PRKCE: variants seen among roughly 807,000 people sequenced by gnomAD.
PRKCE encodes protein kinase C epsilon.
A neutral mutation model predicts 85.4 loss-of-function variants in PRKCE; 16 were observed. The ratio of observed to expected loss-of-function variants is 0.19; its 90% CI spans 0.13 to 0.28. The LOEUF (loss-of-function observed/expected upper bound fraction) is 0.28. Among genes scored for constraint, PRKCE ranks in the 10% least tolerant of loss-of-function variants. The pLI, the probability that PRKCE is intolerant of heterozygous loss-of-function variation, is 1.00. For missense variants in PRKCE, 573 were observed against 975.2 expected, an observed-to-expected ratio of 0.59 and a Z score of 5.49; for synonymous variants, 388 against 371.5, an observed-to-expected ratio of 1.04 and a Z score of -0.51.
Position 45,774,222 on chromosome 2 carries a change from A to G in PRKCE, c.349-68778A>G, listed in dbSNP as rs1205781610. On this transcript the variant is annotated intron_variant, in intron 1 of 14. Transcript: ENST00000306156. The surrounding 1 kb of genome is among the most constrained non-coding windows in gnomAD (Gnocchi z 4.3). The stretch of plus-strand genomic sequence containing the variant: ...ACCACCCCTGTGGTCAGGGCCTGCG[A>G]CTGGTGAGGTTCTAAGGCCTCCCCT... Among the ~76,000 whole-genome samples the G allele has an allele frequency of 6.6e-6, 1 of 151,984 alleles. No individual in the cohort carries two copies. The highest frequency in any genetic ancestry group is 2.4e-5 in the African/African-American group (1 of 41,386).
At position 46,068,577 on chromosome 2, in the gene PRKCE, G is replaced by C. The variant is rs1667818975; in HGVS notation, c.1438-17631G>C. On this transcript the variant is annotated intron_variant, in intron 10 of 14. Transcript: ENST00000306156. The surrounding 1 kb of genome is among the most constrained non-coding windows in gnomAD (Gnocchi z 4.3). Reference sequence around the variant, plus strand: ...ACTCTCTCTGATGTAACAATATAAGGCAATGGTAGAAGGTTGTCACATACA... The same window carrying C: ...ACTCTCTCTGATGTAACAATATAAGCCAATGGTAGAAGGTTGTCACATACA... 6.6e-6 allele frequency among the ~76,000 whole-genome samples: 1 copy of C among 152,152 alleles called. No individual in the cohort carries two copies. Among genetic ancestry groups the C allele is most frequent in the African/African-American group, 2.4e-5 (1 of 41,424 alleles).
At chr2:45,916,992 A>C (rs1443062065) in intron 2 of PRKCE, among the ~76,000 whole-genome samples, 2 of 152,182 alleles carry the variant, frequency 1.3e-5, no homozygotes, top group Non-Finnish European at 2.9e-5. Context: ...AGTGAGCAGC[A>C]GCAGGATTTA....
chr2:45,819,723 G>C, intron 1 of PRKCE, among the ~76,000 whole-genome samples: 1 of 152,216 alleles, frequency 6.6e-6, no homozygotes, highest in Non-Finnish European at 1.5e-5. Context: ...TCAACTCAAA[G>C]CCTTGAGAGC....
chr2:45,994,475 A>T (rs923115050), intron 6 of PRKCE, among the ~76,000 whole-genome samples: 1 of 152,064 alleles, frequency 6.6e-6, no homozygotes, highest in Non-Finnish European at 1.5e-5. Flanking sequence ...CCTGGTAACC[A>T]CTAAACTTTT....
chr2:46,091,789 A>T (rs1311625036), intron 11 of PRKCE, among the ~76,000 whole-genome samples: 1 of 152,242 alleles, frequency 6.6e-6, no homozygotes, highest in East Asian at 1.9e-4. Flanking sequence ...CATTACTAAG[A>T]TACAGTGAAA....
chr2:45,767,531 G>T (rs951653890), intron 1 of PRKCE, among the ~76,000 whole-genome samples: 1 of 152,210 alleles, frequency 6.6e-6, no homozygotes. Context: ...ATACAGGAAG[G>T]CACTGGTTTG....
At chr2:45,896,831 C>T (rs1696183014) in intron 2 of PRKCE, among the ~76,000 whole-genome samples, 1 of 152,188 alleles carries the variant, frequency 6.6e-6, no homozygotes, top group Non-Finnish European at 1.5e-5. Context: ...TGCCTGTAAT[C>T]TCAATGCTTT....
At chr2:46,016,726 T>C (rs13027146) in intron 10 of PRKCE, among the ~76,000 whole-genome samples, 98,009 of 151,674 alleles carry the variant, frequency 0.65, 33,063 homozygotes, top group African/African-American at 0.82. Context: ...CTGACCAATT[T>C]GATGATACCC....
At chr2:45,687,264 G>C (rs1677369446) in intron 1 of PRKCE, among the ~76,000 whole-genome samples, 1 of 151,964 alleles carries the variant, frequency 6.6e-6, no homozygotes, top group Non-Finnish European at 1.5e-5. Flanking sequence ...TAATAAATTA[G>C]TAAGAAAAGA....
intron 10 of PRKCE, among the ~76,000 whole-genome samples, chr2:46,027,227 C>T (rs535415835): frequency 2.0e-5 from 3 of 152,092 alleles, no homozygotes; most frequent in South Asian, 2.1e-4. Flanking sequence ...CCCAGCTATT[C>T]GGGAGGCTGA....
At chr2:46,019,351 G>A (rs59381379) in intron 10 of PRKCE, among the ~76,000 whole-genome samples, 22,074 of 152,054 alleles carry the variant, frequency 0.15, 1,820 homozygotes, top group East Asian at 0.33. Context: ...GTGGGTGTGC[G>A]TGAGTGTGCC....
chr2:46,031,178 C>T (rs1707488844), intron 10 of PRKCE, among the ~76,000 whole-genome samples: 2 of 152,104 alleles, frequency 1.3e-5, no homozygotes, highest in African/African-American at 4.8e-5. Context: ...AAGAACTTGC[C>T]CACTTTTGTG....
At chr2:46,049,882 C>T (rs1222399762) in intron 10 of PRKCE, among the ~76,000 whole-genome samples, 1 of 152,198 alleles carries the variant, frequency 6.6e-6, no homozygotes, top group Non-Finnish European at 1.5e-5. Context: ...TGAGGCAAAC[C>T]CGAGGCAGGT....
chr2:45,784,763 G>GA (rs549199732), intron 1 of PRKCE, among the ~76,000 whole-genome samples: 2 of 152,168 alleles, frequency 1.3e-5, no homozygotes, highest in South Asian at 2.1e-4. Flanking sequence ...TTCAAAAACA[G>GA]AAAAAAATGA....
intron 5 of PRKCE, among the ~76,000 whole-genome samples, chr2:45,981,444 G>A (rs757032123): frequency 1.3e-5 from 2 of 152,148 alleles, no homozygotes; most frequent in Non-Finnish European, 2.9e-5. Flanking sequence ...TAGCATCCTG[G>A]CATCTAAGGC....
chr2:46,040,851 C>G (rs1348321754), intron 10 of PRKCE, among the ~76,000 whole-genome samples: 2 of 152,186 alleles, frequency 1.3e-5, no homozygotes, highest in African/African-American at 4.8e-5. Context: ...AACCTTTGTA[C>G]TCTGAAAATC....
At chr2:45,964,447 T>G (rs1019097412) in intron 2 of PRKCE, among the ~76,000 whole-genome samples, 4 of 152,202 alleles carry the variant, frequency 2.6e-5, no homozygotes, top group African/African-American at 9.6e-5. Flanking sequence ...GGTGCCCCAC[T>G]TGGCAGATTT....
chr2:45,937,742 G>T (rs1205119668), intron 2 of PRKCE, among the ~76,000 whole-genome samples: 1 of 152,016 alleles, frequency 6.6e-6, no homozygotes, highest in African/African-American at 2.4e-5. Context: ...AAGAAAACTT[G>T]TAGGTATATA....
chr2:45,872,911 C>A (rs776204848), intron 2 of PRKCE, among the ~76,000 whole-genome samples: 2 of 152,214 alleles, frequency 1.3e-5, no homozygotes, highest in Non-Finnish European at 2.9e-5. Flanking sequence ...GTCTCTGGAG[C>A]TGTGTGCTCA....
Sources: allele counts gnomAD v4.1 joint callset (sites outside exome capture counted in the v4.1 genomes callset), GRCh38; gene constraint gnomAD v4.1.1; non-coding constraint Gnocchi (gnomAD v3.1); transcripts MANE v1.5; gene names NCBI Gene and HGNC (gene_info 2026-07-23, HGNC 2026-07-21).